Variants in AGRN observed in about 807,000 individuals in gnomAD.
AGRN encodes agrin proteoglycan.
In AGRN, 106 loss-of-function variants were observed where a neutral mutation model predicts 211.0. That is an observed-to-expected ratio of 0.50 (90% CI 0.43 to 0.59). The LOEUF is 0.59. Ranked by LOEUF, AGRN falls within the 20% of genes least tolerant of loss-of-function variation. The pLI, the probability that AGRN is intolerant of heterozygous loss-of-function variation, is 0.00. For missense variants in AGRN, 3,040 were observed against 2,982.6 expected (o/e 1.02, Z -0.45); for synonymous variants, 1,525 against 1,332.5 (o/e 1.14, Z -3.15).
At position 1,045,521 on chromosome 1, in the gene AGRN, C is replaced by T. The variant is rs1645066325; in HGVS notation, c.2534C>T (p.Thr845Ile). The change falls in exon 14 of 36, where the codon ACA becomes ATA. Residue 845 changes from threonine (T) to isoleucine (I), a missense_variant and splice_region_variant. Physicochemically the swap from Thr to Ile is moderately conservative, Grantham distance 89. This residue lies in a region of AGRN where 1,498 missense variants were observed against 1,457.8 expected (regional missense o/e 1.03). Coordinates refer to ENST00000379370, the MANE Select transcript of AGRN (RefSeq NM_198576.4). ...GIVTDGRSGC[T>I]PCSCDPQGAV... is the part of the protein sequence containing the mutation. ...GTCACCGATGGCCGGAGTGGCTGTA[C>T]ACGTGAGTGACAGGGCCCAGGACTG... is the stretch of plus-strand genomic sequence containing the variant. 1.9e-6 allele frequency: 3 copies of T among 1,612,724 alleles called. No individual in the cohort carries two copies. Among genetic ancestry groups the T allele is most frequent in the Non-Finnish European group, 1.7e-6 (2 of 1,179,908 alleles).
In AGRN at chr1:1,049,992, C is replaced by G. The variant is rs1276554627; in HGVS notation, c.4834C>G (p.Gln1612Glu). Residue 1612 changes from glutamine (Q) to glutamate (E), a missense_variant, in exon 27 of 36, where the codon CAG (glutamine) becomes GAG (glutamate). By Grantham distance (29) the Gln-to-Glu change is conservative. This residue lies in a region of AGRN where 1,537 missense variants were observed against 1,505.0 expected (regional missense o/e 1.02). Transcript: ENST00000379370. ...PCRVLPEGGA[Q>E]CECPLGREGT... ...CCGTGTGCTGCCCGAGGGTGGTGCTCAGTGCGAGTGCCCCCTGGGGCGTGA... is the reference window on the plus strand; with the variant it reads ...CCGTGTGCTGCCCGAGGGTGGTGCTGAGTGCGAGTGCCCCCTGGGGCGTGA... The G allele has an allele frequency of 3.7e-5, 60 of 1,609,470 alleles. No homozygotes were observed. The highest frequency in any genetic ancestry group is 4.8e-5 in the Non-Finnish European group (57 of 1,178,838).
chr1:1,049,491 C>T (rs746958450), intron 25 of AGRN, 40 bp downstream of exon 25: 2 of 1,599,888 alleles, frequency 1.3e-6, no homozygotes, highest in East Asian at 4.5e-5. Flanking sequence ...GACCCCGGCC[C>T]TTTGGGGTCC....
Position 1,042,129 on chromosome 1 carries a change from C to G in AGRN, c.1351C>G (p.Arg451Gly), listed in dbSNP as rs974149667. Reference sequence around the variant, plus strand: ...GCAGCAGGCTGAGTGCCGGCAGCAGCGTGCCATCCCCAGCAAGCACCAGGG... The same window carrying G: ...GCAGCAGGCTGAGTGCCGGCAGCAGGGTGCCATCCCCAGCAAGCACCAGGG... ...WRQQAECRQQ[R>G]AIPSKHQGPC... Residue 451 changes from arginine to glycine, a missense_variant, in exon 7 of 36, where the codon CGT becomes GGT. This residue lies in a region of AGRN where 1,498 missense variants were observed against 1,457.8 expected (regional missense o/e 1.03). Coordinates refer to ENST00000379370, the MANE Select transcript of AGRN (RefSeq NM_198576.4). 1.9e-6 allele frequency: 3 copies of G among 1,599,742 alleles called. No individual in the cohort carries two copies. The highest frequency in any genetic ancestry group is 2.5e-6 in the Non-Finnish European group (3 of 1,177,862).
chr1:1,029,671 ATGTG>A (rs36212580), intron 2 of AGRN, among the ~76,000 whole-genome samples: 4 of 48,994 alleles, frequency 8.2e-5, no homozygotes, highest in Non-Finnish European at 1.2e-4. Flanking sequence ...TGAGATCAGC[ATGTG>A]TGTGTGTGTG....
At position 1,046,976 on chromosome 1, in the gene AGRN, G is replaced by A. The variant is rs749958717; in HGVS notation, c.3388+19G>A. On this transcript the variant is annotated intron_variant, in intron 19 of 35. Transcript: ENST00000379370. ...TGCCCCGGTGAGTGGACGGCTGGGCGAGGGGAGTGTGAGGATAGCCTGGGC... is the reference window on the plus strand; with the variant it reads ...TGCCCCGGTGAGTGGACGGCTGGGCAAGGGGAGTGTGAGGATAGCCTGGGC... 38 of 1,568,020 alleles carry A rather than the reference G, an allele frequency of 2.4e-5. No homozygotes were observed. The highest frequency in any genetic ancestry group is 1.5e-4 in the African/African-American group (11 of 74,014).
At chr1:1,021,868 T>C (rs1258024476) in intron 1 of AGRN, among the ~76,000 whole-genome samples, 1 of 152,140 alleles carries the variant, frequency 6.6e-6, no homozygotes, top group Non-Finnish European at 1.5e-5. Context: ...GGGAGAAGTG[T>C]GGAAGGCAGG....
Position 1,049,306 on chromosome 1 carries a change from C to T in AGRN, c.4369C>T (p.Leu1457=). The T allele has an allele frequency of 6.3e-7, 1 of 1,597,348 alleles. No individual in the cohort carries two copies. Among genetic ancestry groups the T allele is most frequent in the Non-Finnish European group, 8.5e-7 (1 of 1,179,028 alleles). ...VPVEPGQWHR[L]ELSRHWRRGT... ...GGTAGAGCCGGGCCAGTGGCACCGC[C>T]TGGAGCTGTCCCGGCACTGGCGCCG... Residue 1457 remains leucine, a synonymous_variant, in exon 25 of 36, where the codon CTG becomes TTG. Transcript: ENST00000379370.
At position 1,040,887 on chromosome 1, in the gene AGRN, G is replaced by T; in HGVS notation, c.727+7G>T. On this transcript the variant is annotated splice_region_variant and intron_variant, in intron 4 of 35. Transcript: ENST00000379370. ...CTCAGCCGCGGGCCGTGCGGTGAGC[G>T]GGGCGGGGCCGGTGCCTGGGGCGGG... The T allele has an allele frequency of 6.8e-7, 1 of 1,479,332 alleles. No homozygotes were observed. Among genetic ancestry groups the T allele is most frequent in the Non-Finnish European group, 8.9e-7 (1 of 1,125,942 alleles). The allele number at this position is 1,479,332 out of a possible 1,614,324, so 91.6% of individuals were successfully genotyped here. A position where few individuals can be genotyped will look rare whatever the true frequency, so the allele number is the denominator to read the frequency against.
In AGRN at chr1:1,050,283, T is replaced by C. The variant is rs1645243064; in HGVS notation, c.4930T>C (p.Ser1644Pro). 6.2e-7 allele frequency: 1 copy of C among 1,612,670 alleles called. No individual in the cohort carries two copies. Among genetic ancestry groups the C allele is most frequent in the Non-Finnish European group, 8.5e-7 (1 of 1,179,876 alleles). ...GPFLADFNGF[S>P]HLELRGLHTF... ...CTTCCTGGCTGACTTCAACGGCTTC[T>C]CCCACCTGGAGCTGAGAGGCCTGCA... Residue 1644 changes from serine (S) to proline (P), a missense_variant, in exon 28 of 36, where the codon TCC (serine) becomes CCC (proline). Ser to Pro is a moderately conservative substitution (Grantham distance 74). Coordinates refer to ENST00000379370, the MANE Select transcript of AGRN (RefSeq NM_198576.4).
chr1:1,050,217 G>C lies in AGRN; in HGVS notation c.4880-16G>C. ...CCCGGGGGTCAGGACTGAGGCCTTG[G>C]TGACTCTCCCTACAGCCTCGGGGCA... On this transcript the variant is annotated splice_polypyrimidine_tract_variant and intron_variant, in intron 27 of 35. Transcript: ENST00000379370. The C allele has an allele frequency of 6.2e-7, 1 of 1,613,022 alleles. No homozygotes were observed. Among genetic ancestry groups the C allele is most frequent in the Admixed American group, 1.7e-5 (1 of 60,010 alleles).
intron 7 of AGRN, among the ~76,000 whole-genome samples, chr1:1,042,573 G>A (rs965342987): frequency 1.1e-4 from 16 of 152,174 alleles, no homozygotes; most frequent in African/African-American, 2.4e-5. Flanking sequence ...GGCAGTGGCC[G>A]TCGTGTCCCG....
intron 1 of AGRN, among the ~76,000 whole-genome samples, 194 bp downstream of exon 1, chr1:1,020,567 C>A (rs1357279802): frequency 6.6e-6 from 1 of 152,066 alleles, no homozygotes; most frequent in African/African-American, 2.4e-5. Flanking sequence ...TGCTGCGCCG[C>A]CGCCGTCCTC....
chr1:1,034,529 T>A, intron 2 of AGRN: 2 of 985,522 alleles, frequency 2.0e-6, no homozygotes, highest in Non-Finnish European at 2.4e-6. Flanking sequence ...GCTCTGAGAG[T>A]GGGGCGCAGA....
At position 1,045,247 on chromosome 1, in the gene AGRN, G is replaced by A. The variant is rs2100653148; in HGVS notation, c.2341G>A (p.Ala781Thr). 2 of 1,611,844 alleles carry A rather than the reference G, an allele frequency of 1.2e-6. No individual in the cohort carries two copies. The highest frequency in any genetic ancestry group is 1.1e-5 in the South Asian group (1 of 90,994). Residue 781 changes from alanine to threonine, a missense_variant, in exon 13 of 36, where the codon GCC (alanine) becomes ACC (threonine). By Grantham distance (58) the Ala-to-Thr change is moderately conservative (BLOSUM62 0). This residue lies in a region of AGRN where 1,498 missense variants were observed against 1,457.8 expected (regional missense o/e 1.03). Transcript: ENST00000379370. The part of the protein sequence containing the change: ...YGCCQDNITA[A>T]RGVGLAGCPS... ...CTGCTGCCAGGACAATATCACCGCA[G>A]CCCGGGGCGTGGGCCTGGCTGGCTG... is the stretch of plus-strand genomic sequence containing the variant.
intron 30 of AGRN, 149 bp from the exon 31 acceptor site, chr1:1,051,104 C>T (rs1383182752): frequency 1.9e-6 from 3 of 1,544,826 alleles, no homozygotes; most frequent in East Asian, 4.9e-5. Flanking sequence ...GGTAGCTCCT[C>T]CCCCACTAAG....
Position 1,027,801 on chromosome 1 carries a change from G to C in AGRN, c.463+5339G>C, listed in dbSNP as rs192239393. ...AGGCCTGGTCAGGGTGGGAGCGGGG[G>C]TCTGTCGCTGGCCTGAGCCTCCCTG... On this transcript the variant is annotated intron_variant, in intron 2 of 35. Transcript: ENST00000379370. 4.1e-3 allele frequency among the ~76,000 whole-genome samples: 623 copies of C among 152,298 alleles called. 3 individuals are homozygous for C. The highest frequency in any genetic ancestry group is 0.014 in the African/African-American group (581 of 41,568).
At chr1:1,024,423 A>G (rs1644474976) in intron 2 of AGRN, among the ~76,000 whole-genome samples, 1 of 151,954 alleles carries the variant, frequency 6.6e-6, no homozygotes, top group African/African-American at 2.4e-5. Context: ...GGATGGATGG[A>G]GGGAGCTTGA....
chr1:1,023,453 G>A (rs116244733), intron 2 of AGRN, among the ~76,000 whole-genome samples: 146 of 152,320 alleles, frequency 9.6e-4, no homozygotes, highest in African/African-American at 3.4e-3. Flanking sequence ...GGGCCTCAGT[G>A]CAGCACAGAG....
At position 1,055,980 on chromosome 1, in the gene AGRN, C is replaced by G. The variant is rs1197636300; in HGVS notation, c.*999C>G. 6.6e-6 allele frequency: 1 copy of G among 152,262 alleles called. No homozygotes were observed. Among genetic ancestry groups the G allele is most frequent in the Non-Finnish European group, 1.5e-5 (1 of 68,070 alleles). 9.4% of individuals were successfully genotyped at this position (152,262 alleles called of 1,614,324 possible). A position where few individuals can be genotyped will look rare whatever the true frequency, so the allele number is the denominator to read the frequency against. Reference sequence around the variant, plus strand: ...GTCCCTTCCCCACCCCCATCCCATCCCCACCCCCAGCCCCAGCCCAGTCCT... The same window carrying G: ...GTCCCTTCCCCACCCCCATCCCATCGCCACCCCCAGCCCCAGCCCAGTCCT... On this transcript the variant is annotated 3_prime_UTR_variant, in exon 36 of 36. Transcript: ENST00000379370.
Sources: gnomAD v4.1 joint callset for allele counts (sites outside exome capture counted in the v4.1 genomes callset) on GRCh38, gnomAD v4.1.1 for gene constraint, gnomAD v4.1.1 regional missense constraint, MANE v1.5 for transcripts, NCBI Gene and HGNC (gene_info 2026-07-23, HGNC 2026-07-21) for gene names.